The following AKAP9 variants were observed in gnomAD, a reference collection of about 807,000 sequenced individuals.
AKAP9 encodes A-kinase anchoring protein 9, also known as A-kinase anchor protein 9.
Under a neutral mutation model 488.5 loss-of-function variants are expected in AKAP9, and 311 were observed. That is an observed-to-expected ratio of 0.64 (90% confidence interval 0.58 to 0.70). The LOEUF is 0.70. Among genes scored for constraint, AKAP9 ranks in the 30% least tolerant of loss-of-function variants. The probability of loss-of-function intolerance (pLI) is 0.00; values close to 1 mark genes in which losing one functional copy is unlikely to be tolerated. For missense variants in AKAP9, 4,215 were observed against 4,374.5 expected, an observed-to-expected ratio of 0.96 and a Z score of 1.03; for synonymous variants, 1,462 against 1,483.5, an observed-to-expected ratio of 0.99 and a Z score of 0.33.
chr7:91,993,131 TA>T, intron 5 of AKAP9, 76 bp downstream of exon 5: 1 of 1,505,592 alleles, frequency 6.6e-7, no homozygotes, highest in African/African-American at 1.4e-5. Flanking sequence ...TAGTAGTCTT[TA>T]AAGATGGGGT....
chr7:91,981,242 T>C (rs1375335972), intron 3 of AKAP9, among the ~76,000 whole-genome samples: 2 of 152,166 alleles, frequency 1.3e-5, no homozygotes, highest in Non-Finnish European at 2.9e-5. Flanking sequence ...TGACATTAAA[T>C]TTGGGGCGCA....
chr7:92,070,101 G>A lies in AKAP9; in HGVS notation c.6402G>A (p.Gln2134=). ...GTGAGCTTTTGCTCTCTAAAGAGCA[G>A]CTTCAAAGGGATATACAAGAAAGGA... is the stretch of plus-strand genomic sequence containing the variant. ...KCSELLLSKE[Q]LQRDIQERNE... Residue 2134 remains glutamine (Q), a synonymous_variant, in exon 27 of 50, where the codon CAG becomes CAA. Transcript: ENST00000356239. 1.2e-6 allele frequency: 2 copies of A among 1,614,044 alleles called. No individual in the cohort carries two copies. The highest frequency in any genetic ancestry group is 1.7e-6 in the Non-Finnish European group (2 of 1,179,946).
At chr7:92,102,161 T>TAA (rs60768469) in intron 45 of AKAP9, among the ~76,000 whole-genome samples, 1 of 137,224 alleles carries the variant, frequency 7.3e-6, no homozygotes, top group Non-Finnish European at 1.6e-5. Context: ...GTCTCATAAA[T>TAA]TTAAAAAAAA....
At chr7:92,049,671 A>T (rs1807591245) in intron 21 of AKAP9, among the ~76,000 whole-genome samples, 2 of 152,056 alleles carry the variant, frequency 1.3e-5, no homozygotes, top group South Asian at 4.1e-4. Context: ...TGTCTTTCTC[A>T]TATTTCTATT....
intron 14 of AKAP9, 96 bp downstream of exon 14, chr7:92,023,105 A>C (rs2130732805): frequency 7.6e-7 from 1 of 1,313,866 alleles, no homozygotes; most frequent in Non-Finnish European, 1.1e-6. Context: ...TAACTTAAGC[A>C]AAGTTGCTGG....
In AKAP9 at chr7:92,038,608, T is replaced by G. The variant is rs1206384770; in HGVS notation, c.4528T>G (p.Phe1510Val). The G allele has an allele frequency of 6.2e-7, 1 of 1,613,810 alleles. No individual in the cohort carries two copies. Among genetic ancestry groups the G allele is most frequent in the Admixed American group, 1.7e-5 (1 of 59,992 alleles). Reference protein sequence around the residue: ...FQTFETVDVKFKEEFKPLSKE... With the variant: ...FQTFETVDVKVKEEFKPLSKE... ...GACTTTTGAGACAGTGGATGTGAAA[T>G]TTAAAGAAGAATTTAAACCACTTAG... The change falls in exon 17 of 50, where the codon TTT (phenylalanine) becomes GTT (valine). Residue 1510 changes from phenylalanine to valine, a missense_variant. Physicochemically the swap from Phe to Val is conservative, Grantham distance 50 (BLOSUM62 -1). Around this residue, in one of 5 missense-constraint regions of AKAP9, gnomAD observed 2,361 missense variants for 2,430.0 expected, o/e 0.97. Coordinates refer to ENST00000356239, the MANE Select transcript of AKAP9 (RefSeq NM_005751.5).
chr7:92,099,928 T>A, intron 44 of AKAP9, 59 bp downstream of exon 44: 1 of 1,543,064 alleles, frequency 6.5e-7, no homozygotes, highest in Non-Finnish European at 8.9e-7. Flanking sequence ...TCATTTCTGC[T>A]GTCTAGTTCA....
chr7:91,970,241 T>G (rs545912383), intron 1 of AKAP9, among the ~76,000 whole-genome samples: 46 of 152,342 alleles, frequency 3.0e-4, no homozygotes, highest in African/African-American at 1.1e-3. Flanking sequence ...ATTTTGACTT[T>G]ACTTTGTCTC....
rs931712265 is a variant in AKAP9, at chr7:92,053,041, T to C, written c.5601+83T>C. On this transcript the variant is annotated intron_variant, in intron 22 of 49. Coordinates refer to ENST00000356239, the MANE Select transcript of AKAP9 (RefSeq NM_005751.5). ...TCTCTCGACTGAGCTAATTTTGATA[T>C]TTTCATGGATAGCTGTTTGGCATTT... 5 of 1,150,748 alleles carry C rather than the reference T, an allele frequency of 4.3e-6. No individual in the cohort carries two copies. The African/African-American group carries it at 7.7e-5, about 18-fold the overall frequency. 71.3% of individuals were successfully genotyped at this position (1,150,748 alleles called of 1,614,324 possible).
chr7:91,954,509 C>T (rs1350214008), intron 1 of AKAP9, among the ~76,000 whole-genome samples: 1 of 152,180 alleles, frequency 6.6e-6, no homozygotes, highest in East Asian at 1.9e-4. Flanking sequence ...CTCAAGTGAT[C>T]CTCCCACCTC....
chr7:92,071,665 G>T (rs1190035836), intron 28 of AKAP9, among the ~76,000 whole-genome samples: 8 of 151,912 alleles, frequency 5.3e-5, no homozygotes, highest in Non-Finnish European at 1.5e-5. Flanking sequence ...TATCTACATT[G>T]TCTAGCTATA....
intron 3 of AKAP9, among the ~76,000 whole-genome samples, chr7:91,986,661 T>C (rs1218267253): frequency 1.3e-5 from 2 of 152,178 alleles, no homozygotes; most frequent in South Asian, 2.1e-4. Flanking sequence ...AATAAGACAG[T>C]CTTCAGCTAA....
chr7:92,104,412 C>T (rs569909015), intron 46 of AKAP9, among the ~76,000 whole-genome samples: 32 of 152,090 alleles, frequency 2.1e-4, no homozygotes, highest in South Asian at 6.2e-4. Context: ...AGGATGGTCT[C>T]GATCTCCTGA....
chr7:91,980,800 A>G (rs1160530384), intron 3 of AKAP9, among the ~76,000 whole-genome samples: 1 of 151,996 alleles, frequency 6.6e-6, no homozygotes, highest in African/African-American at 2.4e-5. Flanking sequence ...GGTATTGTCC[A>G]CTTTAGGAAA....
chr7:91,987,829 T>C lies in AKAP9; in HGVS notation c.352-4329T>C, dbSNP rs1216858041. 3.9e-5 allele frequency among the ~76,000 whole-genome samples: 6 copies of C among 152,044 alleles called. No homozygotes were observed. In the East Asian group the frequency reaches 7.7e-4, roughly 20 times the overall value. On this transcript the variant is annotated intron_variant, in intron 3 of 49. Coordinates refer to ENST00000356239, the MANE Select transcript of AKAP9 (RefSeq NM_005751.5). ...GAAATAAACTCATACTGTAATAGTT[T>C]TTATATTGGAACTTTTATGGAATTA...
chr7:92,091,656 A>AT (rs1815660144), intron 38 of AKAP9, among the ~76,000 whole-genome samples: 1 of 152,000 alleles, frequency 6.6e-6, no homozygotes, highest in Admixed American at 6.6e-5. Context: ...GGAAAAAAAA[A>AT]AGCAGGTTAA....
intron 3 of AKAP9, among the ~76,000 whole-genome samples, chr7:91,985,011 T>G (rs1584710290): frequency 6.6e-6 from 1 of 152,214 alleles, no homozygotes; most frequent in East Asian, 1.9e-4. Context: ...AAGGAGATTT[T>G]GGGCTGAGAC....
chr7:92,107,666 A>G (rs546652085), intron 48 of AKAP9: 2 of 396,970 alleles, frequency 5.0e-6, no homozygotes, highest in East Asian at 5.1e-5. Flanking sequence ...CCTGGCCAAC[A>G]TGGTGAAACC....
At chr7:91,987,532 A>G (rs984457245) in intron 3 of AKAP9, among the ~76,000 whole-genome samples, 1 of 152,220 alleles carries the variant, frequency 6.6e-6, no homozygotes, top group African/African-American at 2.4e-5. Context: ...TTCACAACGG[A>G]TTATACTTTG....
Sources: allele counts gnomAD v4.1 joint callset (sites outside exome capture counted in the v4.1 genomes callset), GRCh38; gene constraint gnomAD v4.1.1; regional missense constraint gnomAD v4.1.1; transcripts MANE v1.5; gene names NCBI Gene and HGNC (gene_info 2026-07-23, HGNC 2026-07-21).